The following ZFAND1 variants were observed in gnomAD, a reference collection of about 807,000 sequenced individuals.
The protein encoded by ZFAND1 is AN1-type zinc finger protein 1.
Under a neutral mutation model 38.5 loss-of-function variants are expected in ZFAND1, and 40 were observed. The ratio of observed to expected loss-of-function variants is 1.04; its 90% CI spans 0.81 to 1.35. The LOEUF (loss-of-function observed/expected upper bound fraction) is 1.35, where lower values mean the gene tolerates loss of function less well. Ranked by LOEUF, ZFAND1 falls within the 40% of genes most tolerant of loss-of-function variation. The probability of loss-of-function intolerance (pLI) is 0.00; values close to 1 mark genes in which losing one functional copy is unlikely to be tolerated. For synonymous variants in ZFAND1, 117 were observed against 103.6 expected, an observed-to-expected ratio of 1.13 and a Z score of -0.78; for missense variants, 346 against 316.3, an observed-to-expected ratio of 1.09 and a Z score of -0.71.
At chr8:81,715,200 TA>T (rs146444702) in intron 3 of ZFAND1, 86 bp from the exon 4 acceptor site, 74,332 of 1,459,244 alleles carry the variant, frequency 0.051, 1,954 homozygotes, top group Middle Eastern at 0.09. Context: ...GTATTCATTT[TA>T]TTTTTGCTTA....
In ZFAND1 at chr8:81,718,232, T is replaced by A; in HGVS notation, c.56-8A>T. 6.4e-7 allele frequency: 1 copy of A among 1,567,852 alleles called. No homozygotes were observed. The highest frequency in any genetic ancestry group is 8.7e-7 in the Non-Finnish European group (1 of 1,155,596). ...ACACAAATGGAAGAAAATCTAAAATTGAGAGAAAATGTATATACTGGTCAG... is the reference window on the plus strand; with the variant it reads ...ACACAAATGGAAGAAAATCTAAAATAGAGAGAAAATGTATATACTGGTCAG... On this transcript the variant is annotated splice_polypyrimidine_tract_variant and splice_region_variant and intron_variant, in intron 1 of 7. Coordinates refer to ENST00000220669, the MANE Select transcript of ZFAND1 (RefSeq NM_024699.3).
intron 7 of ZFAND1, 30 bp from the exon 8 acceptor site, chr8:81,702,895 A>G (rs1247469455): frequency 1.3e-6 from 2 of 1,556,104 alleles, no homozygotes; most frequent in Non-Finnish European, 1.7e-6. Flanking sequence ...TCATACTGTA[A>G]TAAATAAACA....
intron 6 of ZFAND1, among the ~76,000 whole-genome samples, chr8:81,705,490 T>A (rs1807950107): frequency 6.6e-6 from 1 of 152,122 alleles, no homozygotes; most frequent in African/African-American, 2.4e-5. Flanking sequence ...AAATGAAAAT[T>A]AAAAAATAGT....
intron 1 of ZFAND1, 117 bp downstream of exon 1, chr8:81,721,110 T>A (rs1021405348): frequency 1.7e-6 from 2 of 1,181,268 alleles, no homozygotes; most frequent in African/African-American, 3.0e-5. Flanking sequence ...CCCACCCCGC[T>A]CCTCAGGCCC....
intron 6 of ZFAND1, chr8:81,708,875 TA>T (rs755143144): frequency 9.9e-7 from 1 of 1,012,832 alleles, no homozygotes; most frequent in South Asian, 1.5e-5. Flanking sequence ...CTGCAAGTAC[TA>T]AAGATGATTA....
Position 81,718,202 on chromosome 8 carries a change from A to G in ZFAND1, c.78T>C (p.Asp26=), listed in dbSNP as rs772071608. The G allele has an allele frequency of 3.8e-6, 6 of 1,574,412 alleles. No homozygotes were observed. The highest frequency in any genetic ancestry group is 1.2e-5 in the South Asian group (1 of 84,776). ...RQRDFLPFVC[D]DCSGIFCLEH... ...CTTACCAAAATATTCCTGAACAATC[A>G]TCACACACAAATGGAAGAAAATCTA... Residue 26 remains aspartate, a synonymous_variant, in exon 2 of 8, where the codon GAT becomes GAC. Coordinates refer to ENST00000220669, the MANE Select transcript of ZFAND1 (RefSeq NM_024699.3).
rs531898828 is a variant in ZFAND1, at chr8:81,702,600, T to C, written c.*95A>G. 2.8e-5 allele frequency: 30 copies of C among 1,085,068 alleles called. No individual in the cohort carries two copies. The African/African-American group carries it at 4.9e-4, about 18-fold the overall frequency. The allele number at this position is 1,085,068 out of a possible 1,614,324, so 67.2% of individuals were successfully genotyped here. On this transcript the variant is annotated 3_prime_UTR_variant, in exon 8 of 8. Transcript: ENST00000220669. ...GGGGAAATAAGTTAAAAAGCAACTT[T>C]TAAAAATTACAAAAATAGTATTTGT...
At chr8:81,718,155 C>A (rs756301563) in intron 2 of ZFAND1, 27 bp downstream of exon 2, 2 of 1,554,542 alleles carry the variant, frequency 1.3e-6, no homozygotes, top group Non-Finnish European at 1.7e-6. Flanking sequence ...AAATTACTCC[C>A]AAATCCTGCA....
intron 1 of ZFAND1, among the ~76,000 whole-genome samples, chr8:81,718,915 T>C (rs1808389832): frequency 6.6e-6 from 1 of 151,622 alleles, no homozygotes; most frequent in Non-Finnish European, 1.5e-5. Flanking sequence ...TTTTATTGGG[T>C]AAGAAAAATA....
chr8:81,711,273 G>T (rs183810495), intron 6 of ZFAND1, among the ~76,000 whole-genome samples: 1 of 152,094 alleles, frequency 6.6e-6, no homozygotes, highest in South Asian at 2.1e-4. Context: ...TTAGCTGGGC[G>T]TGGTGGTGCA....
At chr8:81,707,246 C>T (rs2130396333) in intron 6 of ZFAND1, among the ~76,000 whole-genome samples, 2 of 152,216 alleles carry the variant, frequency 1.3e-5, no homozygotes, top group Middle Eastern at 6.8e-3. Context: ...AGCTGGAATC[C>T]TCAGGACATA....
chr8:81,720,591 C>T (rs778114225), intron 1 of ZFAND1, among the ~76,000 whole-genome samples: 11 of 152,180 alleles, frequency 7.2e-5, no homozygotes, highest in Non-Finnish European at 1.5e-4. Flanking sequence ...TCCGGACACA[C>T]ATCCACGTGA....
intron 6 of ZFAND1, among the ~76,000 whole-genome samples, chr8:81,709,381 G>A (rs1176122903): frequency 6.6e-6 from 1 of 152,130 alleles, no homozygotes; most frequent in African/African-American, 2.4e-5. Flanking sequence ...CATAAGGGCA[G>A]AAGGGATTCT....
chr8:81,708,213 G>GC (rs1808036904), intron 6 of ZFAND1, among the ~76,000 whole-genome samples: 1 of 144,162 alleles, frequency 6.9e-6, no homozygotes, highest in Admixed American at 7.2e-5. Context: ...TCGCACCATT[G>GC]CGCTCCAGAC....
At chr8:81,718,067 T>G in intron 2 of ZFAND1, 115 bp downstream of exon 2, 1 of 815,822 alleles carries the variant, frequency 1.2e-6, no homozygotes, top group Non-Finnish European at 1.8e-6. Flanking sequence ...ATACTGAATA[T>G]CAATAATCAA....
At chr8:81,714,133 A>G in intron 5 of ZFAND1, 94 bp from the exon 6 acceptor site, 1 of 1,209,948 alleles carries the variant, frequency 8.3e-7, no homozygotes, top group South Asian at 1.6e-5. Context: ...AGAAACATAT[A>G]TAAATTACAC....
intron 1 of ZFAND1, among the ~76,000 whole-genome samples, chr8:81,719,503 T>C (rs1808411806): frequency 6.6e-6 from 1 of 151,994 alleles, no homozygotes; most frequent in Non-Finnish European, 1.5e-5. Context: ...CCAGACTCCA[T>C]CTCAAAACAA....
chr8:81,716,869 C>T (rs11775707), intron 3 of ZFAND1, among the ~76,000 whole-genome samples: 78,969 of 151,924 alleles, frequency 0.52, 21,643 homozygotes, highest in South Asian at 0.62. Flanking sequence ...ATCACTTGAA[C>T]CCCGGAGGCG....
rs1237049700 is a variant in ZFAND1 at position 81,715,112 on chromosome 8, C to A, written c.141G>T (p.Val47=). 6.2e-7 allele frequency: 1 copy of A among 1,613,254 alleles called. No individual in the cohort carries two copies. Among genetic ancestry groups the A allele is most frequent in the African/African-American group, 1.3e-5 (1 of 75,040 alleles). Residue 47 remains valine, a splice_region_variant and synonymous_variant, in exon 4 of 8, where the codon GTG becomes GTT. Transcript: ENST00000220669. ...RSRESHGCPE[V]TVINERLKTD... is the part of the protein sequence containing the mutation. Reference sequence around the variant, plus strand: ...TCTTCAGTCTCTCATTGATTACAGTCACCTGAAAATGCAAAAAGGAGGAAA... The same window carrying A: ...TCTTCAGTCTCTCATTGATTACAGTAACCTGAAAATGCAAAAAGGAGGAAA...
Sources: gnomAD v4.1 joint callset for allele counts (sites outside exome capture counted in the v4.1 genomes callset) on GRCh38, gnomAD v4.1.1 for gene constraint, MANE v1.5 for transcripts, NCBI Gene and HGNC (gene_info 2026-07-23, HGNC 2026-07-21) for gene names.